Variants in RUNX1 observed in about 807,000 individuals in gnomAD.
The protein encoded by RUNX1 is runt-related transcription factor 1.
In RUNX1, 19 loss-of-function variants were observed where a neutral mutation model predicts 42.8. That is an observed-to-expected ratio of 0.44 (90% confidence interval 0.31 to 0.65). The LOEUF is 0.65. RUNX1 is among the 30% of genes least tolerant of loss of function. The pLI is 0.07. For synonymous variants in RUNX1, 271 were observed against 289.4 expected (o/e 0.94, Z 0.64); for missense variants, 528 against 672.0 (o/e 0.79, Z 2.37).
intron 2 of RUNX1, among the ~76,000 whole-genome samples, chr21:35,039,279 G>A (rs1482679097): frequency 6.6e-6 from 1 of 152,170 alleles, no homozygotes; most frequent in Non-Finnish European, 1.5e-5. Flanking sequence ...GGTGACAGGA[G>A]CTGAGAAGAC....
intron 2 of RUNX1, among the ~76,000 whole-genome samples, chr21:34,916,286 A>G (rs1292279004): frequency 1.3e-5 from 2 of 152,230 alleles, no homozygotes; most frequent in African/African-American, 4.8e-5. Context: ...CTGATCATTA[A>G]TATACTCTAA....
At chr21:35,037,464 C>T (rs1404629113) in intron 2 of RUNX1, among the ~76,000 whole-genome samples, 1 of 152,096 alleles carries the variant, frequency 6.6e-6, no homozygotes, top group African/African-American at 2.4e-5. Flanking sequence ...AGCTTGGTGC[C>T]ACCCCACAGC....
chr21:34,989,297 C>G (rs541490763), intron 2 of RUNX1, among the ~76,000 whole-genome samples: 2 of 152,020 alleles, frequency 1.3e-5, no homozygotes, highest in African/African-American at 4.8e-5. Context: ...GTGTGAGCCA[C>G]GGCGCCCGGC....
intron 2 of RUNX1, among the ~76,000 whole-genome samples, chr21:34,920,524 T>C (rs1365448210): frequency 2.6e-5 from 4 of 152,230 alleles, no homozygotes; most frequent in Non-Finnish European, 5.9e-5. Context: ...ATTTAAGCTG[T>C]ATATTTTACA....
chr21:34,858,772 C>G (rs1182777340), intron 6 of RUNX1, among the ~76,000 whole-genome samples: 1 of 152,150 alleles, frequency 6.6e-6, no homozygotes, highest in Non-Finnish European at 1.5e-5. Flanking sequence ...GGGTGTGGTT[C>G]TGGAAAAGAG....
intron 2 of RUNX1, among the ~76,000 whole-genome samples, chr21:34,933,190 G>A (rs1042879060): frequency 2.0e-5 from 3 of 152,162 alleles, no homozygotes; most frequent in African/African-American, 2.4e-5. Context: ...GGAACATCTC[G>A]ATGGTGGACT....
chr21:34,834,447 G>A lies in RUNX1; in HGVS notation c.768C>T (p.Ser256=), dbSNP rs780019726. The change falls in exon 7 of 9, where the codon TCC becomes TCT. Residue 256 remains serine, a synonymous_variant. Transcript: ENST00000675419. ...TCTGAGGCTGAGGGTTAAAGGCAGT[G>A]GAGTGGTTCAGGGAGGCACGAGGGT... ...TPNPRASLNH[S]TAFNPQPQSQ... 1.9e-6 allele frequency: 3 copies of A among 1,610,454 alleles called. No individual in the cohort carries two copies. Among genetic ancestry groups the A allele is most frequent in the Admixed American group, 3.3e-5 (2 of 59,938 alleles).
chr21:34,905,736 A>C (rs898095164), intron 2 of RUNX1, among the ~76,000 whole-genome samples: 6 of 152,194 alleles, frequency 3.9e-5, no homozygotes, highest in African/African-American at 7.2e-5. Flanking sequence ...GATACAACAA[A>C]AGTTAATACT....
At chr21:35,042,563 T>G (rs2059366799) in intron 2 of RUNX1, among the ~76,000 whole-genome samples, 1 of 152,208 alleles carries the variant, frequency 6.6e-6, no homozygotes, top group Admixed American at 6.5e-5. Context: ...CTAAGCAATA[T>G]GTCAGCGAAA....
At chr21:34,892,158 T>C (rs1469270757) in intron 3 of RUNX1, among the ~76,000 whole-genome samples, 2 of 152,342 alleles carry the variant, frequency 1.3e-5, no homozygotes, top group East Asian at 3.9e-4. Context: ...TTTTAAAAAA[T>C]AGAATGTATC....
Position 34,923,892 on chromosome 21 carries a change from G to A in RUNX1, c.59-30929C>T, listed in dbSNP as rs975224557. 1.8e-5 allele frequency among the ~76,000 whole-genome samples: 2 copies of A among 113,160 alleles called. 1 individual carries two copies. Among genetic ancestry groups the A allele is most frequent in the South Asian group, 4.5e-4 (2 of 4,410 alleles). 74.2% of individuals were successfully genotyped at this position (113,160 alleles called of 152,430 possible). A position where few individuals can be genotyped will look rare whatever the true frequency, so the allele number is the denominator to read the frequency against. The stretch of plus-strand genomic sequence containing the variant: ...GCTGCTGCTGAGCCATGTCTCTCGC[G>A]TTAAAATCTGAACACATTTCCCTGC... On this transcript the variant is annotated intron_variant, in intron 2 of 8. Transcript: ENST00000675419.
At chr21:34,841,226 A>G (rs61209186) in intron 6 of RUNX1, among the ~76,000 whole-genome samples, 8,112 of 152,096 alleles carry the variant, frequency 0.053, 373 homozygotes, top group African/African-American at 0.13. Context: ...CCTCTAGCTC[A>G]TGCCCCTAAG....
intron 2 of RUNX1, among the ~76,000 whole-genome samples, chr21:35,013,611 C>A (rs1335189054): frequency 1.3e-5 from 2 of 152,116 alleles, no homozygotes; most frequent in Non-Finnish European, 2.9e-5. Flanking sequence ...GCAAAATAGC[C>A]ACCGTCATGC....
intron 5 of RUNX1, among the ~76,000 whole-genome samples, chr21:34,877,552 C>A (rs1281720389): frequency 2.0e-5 from 3 of 152,082 alleles, no homozygotes; most frequent in Non-Finnish European, 4.4e-5. Flanking sequence ...GGGTGAGATA[C>A]ACTCTGAACC....
intron 3 of RUNX1, chr21:34,889,621 C>T: frequency 9.4e-7 from 1 of 1,066,134 alleles, no homozygotes; most frequent in South Asian, 2.5e-5. Flanking sequence ...CCGGAAGCGG[C>T]CCCCGCTCCT....
intron 2 of RUNX1, among the ~76,000 whole-genome samples, chr21:34,959,132 C>A (rs7282064): frequency 0.046 from 6,936 of 151,262 alleles, 507 homozygotes; most frequent in African/African-American, 0.16. Context: ...GCACACCAGC[C>A]TGGCACATGT....
intron 2 of RUNX1, among the ~76,000 whole-genome samples, chr21:34,928,966 G>T (rs998890224): frequency 8.8e-5 from 13 of 148,474 alleles, no homozygotes; most frequent in African/African-American, 3.2e-4. Flanking sequence ...TTTTTTGGGG[G>T]GGGGGGTAGA....
intron 2 of RUNX1, among the ~76,000 whole-genome samples, chr21:34,986,026 C>G (rs9978268): frequency 6.6e-6 from 1 of 151,954 alleles, no homozygotes; most frequent in Non-Finnish European, 1.5e-5. Flanking sequence ...GCATGCACCA[C>G]TACACTGGGC....
At chr21:34,812,728 G>T (rs907159089) in intron 7 of RUNX1, among the ~76,000 whole-genome samples, 1 of 152,172 alleles carries the variant, frequency 6.6e-6, no homozygotes, top group African/African-American at 2.4e-5. Context: ...AGGTCACCCT[G>T]AGAAAGATGA....
Sources: gnomAD v4.1 joint callset for allele counts (sites outside exome capture counted in the v4.1 genomes callset) on GRCh38, gnomAD v4.1.1 for gene constraint, MANE v1.5 for transcripts, NCBI Gene and HGNC (gene_info 2026-07-23, HGNC 2026-07-21) for gene names.